Variants in FBXL7 observed in about 807,000 individuals in gnomAD.
The protein encoded by FBXL7 is F-box and leucine rich repeat protein 7.
Under a neutral mutation model 38.3 loss-of-function variants are expected in FBXL7, and 12 were observed. The ratio of observed to expected loss-of-function variants is 0.31; its 90% CI spans 0.20 to 0.51. The LOEUF (loss-of-function observed/expected upper bound fraction) is 0.51, where lower values mean the gene tolerates loss of function less well. FBXL7 is among the 20% of genes least tolerant of loss of function. The pLI, the probability that FBXL7 is intolerant of heterozygous loss-of-function variation, is 0.98. For missense variants in FBXL7, 567 were observed against 676.4 expected (o/e 0.84, Z 1.79); for synonymous variants, 297 against 300.9 (o/e 0.99, Z 0.13).
At position 15,519,855 on chromosome 5, in the gene FBXL7, T is replaced by C. The variant is rs13357075; in HGVS notation, c.37+19142T>C. 2.6e-3 allele frequency among the ~76,000 whole-genome samples: 403 copies of C among 152,236 alleles called. 4 individuals carry two copies. The highest frequency in any genetic ancestry group is 9.1e-3 in the African/African-American group (379 of 41,558). ...TCCAGATCCAGACCCTAAGAGAAGG[T>C]TCTTGGATCTCTCACAAGAAAGAAT... On this transcript the variant is annotated intron_variant, in intron 1 of 3. Transcript: ENST00000504595.
chr5:15,914,519 G>T (rs1381901093), intron 2 of FBXL7, among the ~76,000 whole-genome samples: 1 of 152,040 alleles, frequency 6.6e-6, no homozygotes, highest in Non-Finnish European at 1.5e-5. Flanking sequence ...ATTGTTTTTG[G>T]GTGTACATGT....
Position 15,928,600 on chromosome 5 carries a change from C to A in FBXL7, c.739+99C>A. 1 of 1,455,628 alleles carries A rather than the reference C, an allele frequency of 6.9e-7. No individual in the cohort carries two copies. Among genetic ancestry groups the A allele is most frequent in the Non-Finnish European group, 9.2e-7 (1 of 1,086,944 alleles). 90.2% of individuals were successfully genotyped at this position (1,455,628 alleles called of 1,614,324 possible). ...ACCGGAGGGTCCTCTTCTTGCAAGC[C>A]ATCAGAGATGGGGGCGGGTGGTAGG... On this transcript the variant is annotated intron_variant, in intron 3 of 3. Coordinates refer to ENST00000504595, the MANE Select transcript of FBXL7 (RefSeq NM_012304.5). The surrounding 1 kb of genome is among the most constrained non-coding windows in gnomAD (Gnocchi z 4.0).
intron 2 of FBXL7, among the ~76,000 whole-genome samples, chr5:15,642,523 A>G (rs766895379): frequency 1.3e-5 from 2 of 152,224 alleles, no homozygotes; most frequent in Non-Finnish European, 2.9e-5. Context: ...AAAAATTTAT[A>G]GTCCATGAAA....
Position 15,707,174 on chromosome 5 carries a change from GTTTTTTTTTTT to G in FBXL7, c.127+91115_127+91125del, listed in dbSNP as rs71603796. On this transcript the variant is annotated intron_variant, in intron 2 of 3. Transcript: ENST00000504595. ...AGGTAGTGTTTCTTTTTTTCTTTTC[GTTTTTTTTTTT>G]TTTTTTTTTTTTGCAAAGTGAAAGC... 1.4e-3 allele frequency among the ~76,000 whole-genome samples: 96 copies of G among 70,416 alleles called. 3 individuals carry two copies. In the East Asian group the frequency reaches 0.04, roughly 29 times the overall value. 46.2% of individuals were successfully genotyped at this position (70,416 alleles called of 152,430 possible).
intron 1 of FBXL7, among the ~76,000 whole-genome samples, chr5:15,560,997 T>G (rs532921705): frequency 2.0e-5 from 3 of 152,316 alleles, no homozygotes; most frequent in Admixed American, 2.0e-4. Context: ...GTCAAGTAAA[T>G]TAACATATCC....
At chr5:15,885,572 A>G (rs1301081243) in intron 2 of FBXL7, among the ~76,000 whole-genome samples, 2 of 152,228 alleles carry the variant, frequency 1.3e-5, no homozygotes, top group Non-Finnish European at 2.9e-5. Flanking sequence ...GTGGAAGACC[A>G]AAGAAATGTT....
intron 2 of FBXL7, among the ~76,000 whole-genome samples, chr5:15,863,363 A>C (rs1347829199): frequency 6.6e-6 from 1 of 152,188 alleles, no homozygotes; most frequent in South Asian, 2.1e-4. Context: ...TAAGAAGAAA[A>C]AGTCTTTTTT....
intron 2 of FBXL7, among the ~76,000 whole-genome samples, chr5:15,715,169 A>G (rs1189890633): frequency 6.6e-6 from 1 of 152,156 alleles, no homozygotes; most frequent in African/African-American, 2.4e-5. Flanking sequence ...TATATTTTAC[A>G]GGAAGAGGAA....
Position 15,500,709 on chromosome 5 carries a change from T to G in FBXL7, c.33T>G (p.Ser11Arg). 1 of 1,606,388 alleles carries G rather than the reference T, an allele frequency of 6.2e-7. No individual in the cohort carries two copies. The highest frequency in any genetic ancestry group is 8.5e-7 in the Non-Finnish European group (1 of 1,176,120). MGANNGKQYG[S>R]EGKGSSSISS... ...CGAACAATGGCAAACAGTACGGCAG[T>G]GAGGGTGAGTGGGCCGCCCGTCCTC... The change falls in exon 1 of 4, where the codon AGT becomes AGG. Residue 11 changes from serine (S) to arginine (R), a missense_variant. By Grantham distance (110) the Ser-to-Arg change is moderately radical. Coordinates refer to ENST00000504595, the MANE Select transcript of FBXL7 (RefSeq NM_012304.5).
intron 2 of FBXL7, among the ~76,000 whole-genome samples, chr5:15,840,931 A>C (rs1272888564): frequency 1.3e-5 from 2 of 151,990 alleles, no homozygotes; most frequent in African/African-American, 4.8e-5. Flanking sequence ...GCATTTAGTA[A>C]ATTTTATTAT....
intron 2 of FBXL7, among the ~76,000 whole-genome samples, chr5:15,675,590 T>G (rs926064247): frequency 1.3e-5 from 2 of 152,240 alleles, no homozygotes; most frequent in Non-Finnish European, 2.9e-5. Context: ...GGAAAGCTAT[T>G]GACCATGTGG....
At chr5:15,897,128 ATCTC>A (rs1238397698) in intron 2 of FBXL7, among the ~76,000 whole-genome samples, 1 of 152,096 alleles carries the variant, frequency 6.6e-6, no homozygotes, top group Non-Finnish European at 1.5e-5. Flanking sequence ...GTGAGACTCT[ATCTC>A]TCTCTATATA....
At position 15,844,526 on chromosome 5, in the gene FBXL7, C is replaced by G. The variant is rs145781473; in HGVS notation, c.128-83364C>G. On this transcript the variant is annotated intron_variant, in intron 2 of 3. Transcript: ENST00000504595. ...AGAAAACCAGGTGGGGTGGCCAGGC[C>G]ATCTCTCATGATCGGTAGAGCATAG... Among the ~76,000 whole-genome samples the G allele has an allele frequency of 5.0e-3, 755 of 152,298 alleles. 3 individuals carry two copies. The highest frequency in any genetic ancestry group is 0.016 in the African/African-American group (674 of 41,566).
At chr5:15,769,879 C>T (rs1015965334) in intron 2 of FBXL7, among the ~76,000 whole-genome samples, 20 of 152,004 alleles carry the variant, frequency 1.3e-4, no homozygotes, top group African/African-American at 3.1e-4. Context: ...GTAAGCAGGC[C>T]GAAGGGTATG....
chr5:15,658,054 G>A (rs936810160), intron 2 of FBXL7, among the ~76,000 whole-genome samples: 1 of 152,038 alleles, frequency 6.6e-6, no homozygotes, highest in Non-Finnish European at 1.5e-5. Context: ...GAACTAGGAG[G>A]TGCTTTATGG....
intron 2 of FBXL7, among the ~76,000 whole-genome samples, chr5:15,715,937 G>A (rs1744031276): frequency 6.6e-6 from 1 of 152,168 alleles, no homozygotes; most frequent in Non-Finnish European, 1.5e-5. Flanking sequence ...TAATGCCTCA[G>A]TATTTGCACG....
At chr5:15,800,911 CAG>C (rs2126740986) in intron 2 of FBXL7, among the ~76,000 whole-genome samples, 1 of 152,284 alleles carries the variant, frequency 6.6e-6, no homozygotes, top group African/African-American at 2.4e-5. Flanking sequence ...TCCAGAGAAA[CAG>C]AAACAATACA....
intron 1 of FBXL7, among the ~76,000 whole-genome samples, chr5:15,542,674 G>A (rs528168707): frequency 2.0e-5 from 3 of 152,298 alleles, no homozygotes; most frequent in African/African-American, 7.2e-5. Context: ...CTTTTGTGAT[G>A]TCAGTAGACA....
Position 15,668,783 on chromosome 5 carries a change from T to G in FBXL7, c.127+52711T>G, listed in dbSNP as rs569194039. On this transcript the variant is annotated intron_variant, in intron 2 of 3. Transcript: ENST00000504595. ...TTCTGCTAGGTGCAGCAGAACTCAG[T>G]TCTAACTTATGTAAAGACCTAGGTC... Among the ~76,000 whole-genome samples, 5 of 152,326 alleles carry G rather than the reference T, an allele frequency of 3.3e-5. No individual in the cohort carries two copies. The East Asian group carries it at 7.7e-4, about 24-fold the overall frequency.
Sources: gnomAD v4.1 joint callset for allele counts (sites outside exome capture counted in the v4.1 genomes callset) on GRCh38, gnomAD v4.1.1 for gene constraint, Gnocchi (gnomAD v3.1) non-coding constraint, MANE v1.5 for transcripts, NCBI Gene and HGNC (gene_info 2026-07-23, HGNC 2026-07-21) for gene names.